The following CPSF2 variants were observed in gnomAD, a reference collection of about 807,000 sequenced individuals.
CPSF2 encodes cleavage and polyadenylation specific factor 2, also known as cleavage and polyadenylation specificity factor subunit 2.
Under a neutral mutation model 84.2 loss-of-function variants are expected in CPSF2, and 51 were observed. The ratio of observed to expected loss-of-function variants is 0.61; its 90% CI spans 0.48 to 0.77. CPSF2 has a LOEUF of 0.77. Ranked by LOEUF, CPSF2 falls within the 30% of genes least tolerant of loss-of-function variation. The pLI is 0.00. For synonymous variants in CPSF2, 286 were observed against 311.9 expected (o/e 0.92, Z 0.87); for missense variants, 641 against 929.4 (o/e 0.69, Z 4.03).
At position 92,130,900 on chromosome 14, in the gene CPSF2, T is replaced by C. The variant is rs2068916230; in HGVS notation, c.-34-51T>C. 6 of 1,116,596 alleles carry C rather than the reference T, an allele frequency of 5.4e-6. 1 individual carries two copies. In the South Asian group the frequency reaches 9.1e-5, roughly 17 times the overall value. The allele number at this position is 1,116,596 out of a possible 1,614,324, so 69.2% of individuals were successfully genotyped here. A position where few individuals can be genotyped will look rare whatever the true frequency, so the allele number is the denominator to read the frequency against. The stretch of plus-strand genomic sequence containing the variant: ...AATTTTAATCAATTTGTTTATTATA[T>C]ATGCCAGACTGTGCTTTTATGTTTA... On this transcript the variant is annotated intron_variant, in intron 2 of 15. Transcript: ENST00000298875.
intron 9 of CPSF2, 46 bp from the exon 10 acceptor site, chr14:92,154,312 A>G (rs775002709): frequency 2.1e-6 from 3 of 1,419,186 alleles, no homozygotes; most frequent in Admixed American, 4.1e-5. Flanking sequence ...TTAACCCCCT[A>G]ATATTAACAT....
In CPSF2 at chr14:92,142,689, A is replaced by G. The variant is rs765638659; in HGVS notation, c.850-315A>G. ...TTAGAATTCATTGTTCTTTCTTTTA[A>G]ATAAGCTTTTTGCCTTGAAATAGCA... On this transcript the variant is annotated intron_variant, in intron 8 of 15. Transcript: ENST00000298875. 1.7e-4 allele frequency among the ~76,000 whole-genome samples: 26 copies of G among 152,174 alleles called. 1 individual carries two copies. Among genetic ancestry groups the G allele is most frequent in the Non-Finnish European group, 5.9e-5 (4 of 68,024 alleles).
At chr14:92,159,377 G>A in intron 14 of CPSF2, 95 bp downstream of exon 14, 2 of 917,226 alleles carry the variant, frequency 2.2e-6, no homozygotes, top group South Asian at 3.4e-5. Flanking sequence ...CTAAAACTAA[G>A]TGGGTCTGTG....
chr14:92,156,769 T>A, intron 12 of CPSF2, 138 bp downstream of exon 12: 1 of 559,964 alleles, frequency 1.8e-6, no homozygotes, highest in South Asian at 3.1e-5. Context: ...TATTTTTGTA[T>A]GAAGAGACTT....
intron 7 of CPSF2, among the ~76,000 whole-genome samples, chr14:92,140,397 C>T (rs1289120363): frequency 6.7e-6 from 1 of 150,064 alleles, no homozygotes; most frequent in Non-Finnish European, 1.5e-5. Flanking sequence ...GCCAGCAGTT[C>T]AAGACCAGCC....
chr14:92,122,745 A>G (rs2141444139), intron 1 of CPSF2, among the ~76,000 whole-genome samples: 1 of 152,280 alleles, frequency 6.6e-6, no homozygotes, highest in South Asian at 2.1e-4. Flanking sequence ...GGTCAGATTG[A>G]ACCCCGGCAA....
intron 11 of CPSF2, 135 bp from the exon 12 acceptor site, chr14:92,156,344 A>G (rs2141479833): frequency 1.5e-6 from 1 of 684,086 alleles, no homozygotes; most frequent in Non-Finnish European, 2.3e-6. Flanking sequence ...ATGAAATTGC[A>G]TCAGCTTTGG....
In CPSF2 at chr14:92,159,214, G is replaced by T. The variant is rs1567026899; in HGVS notation, c.2053G>T (p.Asp685Tyr). 1.2e-6 allele frequency: 2 copies of T among 1,613,754 alleles called. No homozygotes were observed. The highest frequency in any genetic ancestry group is 1.7e-6 in the Non-Finnish European group (2 of 1,179,866). Residue 685 changes from aspartate (D) to tyrosine (Y), a missense_variant, in exon 14 of 16, where the codon GAT (aspartate) becomes TAT (tyrosine). This residue lies in a region of CPSF2 where 430 missense variants were observed against 553.6 expected (regional missense o/e 0.78). Coordinates refer to ENST00000298875, the MANE Select transcript of CPSF2 (RefSeq NM_017437.3). ...QQKAMKSLFG[D>Y]DEKETGEESE... ...AAAGGCCATGAAAAGTCTGTTCGGA[G>T]ATGATGAAAAAGAAACAGGTGAAGA...
chr14:92,161,720 A>G lies in CPSF2; in HGVS notation c.2325A>G (p.Leu775=), dbSNP rs765674847. 2.5e-6 allele frequency: 4 copies of G among 1,583,594 alleles called. No individual in the cohort carries two copies. The African/African-American group carries it at 5.5e-5, about 22-fold the overall frequency. The change falls in exon 16 of 16, where the codon TTA becomes TTG. Residue 775 remains leucine (L), a synonymous_variant. Transcript: ENST00000298875. ...ATTTTTATAGGATAAGAGACCTTTT[A>G]TATGAACAATATGCCATTGTATAAA... ...CQDFYRIRDL[L]YEQYAIV
intron 8 of CPSF2, 107 bp downstream of exon 8, chr14:92,142,458 G>A: frequency 1.2e-6 from 1 of 817,820 alleles, no homozygotes; most frequent in South Asian, 2.2e-5. Flanking sequence ...TGAAGAGATT[G>A]TTAATAAGAT....
chr14:92,122,098 C>A lies in CPSF2; in HGVS notation c.-124C>A, dbSNP rs1284041144. 6.7e-6 allele frequency: 3 copies of A among 445,958 alleles called. No individual in the cohort carries two copies. The highest frequency in any genetic ancestry group is 2.0e-5 in the African/African-American group (1 of 49,934). 27.6% of individuals were successfully genotyped at this position (445,958 alleles called of 1,614,324 possible). ...GGATTCGCCTAGGGGTTGGGAAGGG[C>A]TGTGGACGGCGTTGGGGGAGGCCTG... is the stretch of plus-strand genomic sequence containing the variant. On this transcript the variant is annotated 5_prime_UTR_variant, in exon 1 of 16. In the 5' UTR this introduces an upstream ATG that the reference lacks. Transcript: ENST00000298875.
chr14:92,161,659 C>G lies in CPSF2; in HGVS notation c.2264C>G (p.Thr755Ser). 1.3e-6 allele frequency: 2 copies of G among 1,580,772 alleles called. No homozygotes were observed. The highest frequency in any genetic ancestry group is 1.7e-6 in the Non-Finnish European group (2 of 1,170,342). ...NNQVAVRRTE[T>S]GRIGLEGCLC... ...TTTTTATTTGGTTTCTAGACGGAAA[C>G]TGGACGCATTGGATTAGAAGGCTGC... The change falls in exon 16 of 16, where the codon ACT (threonine) becomes AGT (serine). Residue 755 changes from threonine to serine, a missense_variant. Thr to Ser is a moderately conservative substitution (Grantham distance 58, BLOSUM62 1). Transcript: ENST00000298875.
chr14:92,131,876 T>G (rs2068936442), intron 3 of CPSF2, among the ~76,000 whole-genome samples: 1 of 152,108 alleles, frequency 6.6e-6, no homozygotes. Context: ...CAATGATGTT[T>G]GCAGTATTAT....
At position 92,169,725 on chromosome 14, in the gene CPSF2, G is replaced by A. The variant is rs1398185678; in HGVS notation, c.*7981G>A. 1 of 138,596 alleles carries A rather than the reference G, an allele frequency of 7.2e-6. No homozygotes were observed. The highest frequency in any genetic ancestry group is 7.7e-5 in the Admixed American group (1 of 12,992). 8.6% of individuals were successfully genotyped at this position (138,596 alleles called of 1,614,324 possible). On this transcript the variant is annotated 3_prime_UTR_variant, in exon 16 of 16. Transcript: ENST00000298875. The stretch of plus-strand genomic sequence containing the variant: ...TGGCATGAGGAGGATTGAGAATGTT[G>A]TTCATTTTATCTAATTACTGCCTAT...
intron 3 of CPSF2, 81 bp from the exon 4 acceptor site, chr14:92,133,930 G>A: frequency 1.4e-6 from 2 of 1,449,724 alleles, no homozygotes; most frequent in Non-Finnish European, 1.9e-6. Context: ...CTTCAATCCA[G>A]AATTGGTGAA....
At position 92,161,766 on chromosome 14, in the gene CPSF2, T is replaced by TA; in HGVS notation, c.*22_*23insA. The TA allele has an allele frequency of 6.8e-6, 9 of 1,322,496 alleles. No homozygotes were observed. The highest frequency in any genetic ancestry group is 9.5e-6 in the Non-Finnish European group (9 of 950,178). The allele number at this position is 1,322,496 out of a possible 1,614,324, so 81.9% of individuals were successfully genotyped here. ...ATAAAGGACATGATGTCAAGAAGTATCTGCTTGACCTTTCTAAGAAAAAGG... is the reference window on the plus strand; with the variant it reads ...ATAAAGGACATGATGTCAAGAAGTATACTGCTTGACCTTTCTAAGAAAAAGG... On this transcript the variant is annotated 3_prime_UTR_variant, in exon 16 of 16. Coordinates refer to ENST00000298875, the MANE Select transcript of CPSF2 (RefSeq NM_017437.3).
In CPSF2 at chr14:92,143,266, A is replaced by G. The variant is rs745532536; in HGVS notation, c.1112A>G (p.Asn371Ser). 5 of 1,608,490 alleles carry G rather than the reference A, an allele frequency of 3.1e-6. No individual in the cohort carries two copies. The African/African-American group carries it at 5.4e-5, about 17-fold the overall frequency. The change falls in exon 9 of 16, where the codon AAT (asparagine) becomes AGT (serine). Residue 371 changes from asparagine (N) to serine (S), a missense_variant. By Grantham distance (46) the Asn-to-Ser change is conservative (BLOSUM62 1). This residue lies in a region of CPSF2 where 430 missense variants were observed against 553.6 expected (regional missense o/e 0.78). Coordinates refer to ENST00000298875, the MANE Select transcript of CPSF2 (RefSeq NM_017437.3). Reference sequence around the variant, plus strand: ...ACTTTAGCACGTTTCCTAATTGATAATCCTTCTGAAAAAATTACAGAAATA... The same window carrying G: ...ACTTTAGCACGTTTCCTAATTGATAGTCCTTCTGAAAAAATTACAGAAATA... ...PGTLARFLID[N>S]PSEKITEIEL...
At chr14:92,154,868 C>G (rs1248406010) in intron 10 of CPSF2, among the ~76,000 whole-genome samples, 1 of 152,160 alleles carries the variant, frequency 6.6e-6, no homozygotes, top group Non-Finnish European at 1.5e-5. Flanking sequence ...TGTTACTGTA[C>G]TGAATACTGT....
rs900356371 is a variant in CPSF2, at chr14:92,155,024, TTAA to T, written c.1242-93_1242-91del. ...CTGTATATTATCATTTAATATTGAATTAATAATATTGAGTATGGATTCAGTAAT... is the reference window on the plus strand; with the variant it reads ...CTGTATATTATCATTTAATATTGAATTAATATTGAGTATGGATTCAGTAAT... On this transcript the variant is annotated intron_variant, in intron 10 of 15. Transcript: ENST00000298875. The T allele has an allele frequency of 6.4e-5, 49 of 765,930 alleles. No individual in the cohort carries two copies. In the Admixed American group the frequency reaches 8.6e-4, roughly 13 times the overall value. 47.4% of individuals were successfully genotyped at this position (765,930 alleles called of 1,614,324 possible).
Sources: gnomAD v4.1 joint callset for allele counts (sites outside exome capture counted in the v4.1 genomes callset) on GRCh38, gnomAD v4.1.1 for gene constraint, gnomAD v4.1.1 regional missense constraint, MANE v1.5 for transcripts, NCBI Gene and HGNC (gene_info 2026-07-23, HGNC 2026-07-21) for gene names.